The following DST variants were observed in gnomAD, a reference collection of about 807,000 sequenced individuals.
DST encodes dystonin.
Under a neutral mutation model 875.2 loss-of-function variants are expected in DST, and 253 were observed. The ratio of observed to expected loss-of-function variants is 0.29; its 90% CI spans 0.26 to 0.32. The LOEUF is 0.32. Ranked by LOEUF, DST falls within the 10% of genes least tolerant of loss-of-function variation. The pLI, the probability that DST is intolerant of heterozygous loss-of-function variation, is 1.00. For synonymous variants in DST, 3,124 were observed against 3,197.1 expected, an observed-to-expected ratio of 0.98 and a Z score of 0.77; for missense variants, 8,287 against 9,111.6, an observed-to-expected ratio of 0.91 and a Z score of 3.68.
intron 3 of DST, among the ~76,000 whole-genome samples, chr6:56,880,418 T>A (rs1030166050): frequency 6.6e-6 from 1 of 152,218 alleles, no homozygotes; most frequent in African/African-American, 2.4e-5. Context: ...CCAGGCGCAG[T>A]GGCCCATGCC....
chr6:56,573,577 T>TAA, intron 51 of DST, 102 bp downstream of exon 51: 1 of 854,074 alleles, frequency 1.2e-6, no homozygotes, highest in Non-Finnish European at 1.8e-6. Flanking sequence ...AAATGTCTCT[T>TAA]TTTTGTGTCC....
chr6:56,905,653 CTT>C (rs77792525), intron 2 of DST, among the ~76,000 whole-genome samples: 88 of 142,990 alleles, frequency 6.2e-4, no homozygotes, highest in African/African-American at 1.8e-3. Flanking sequence ...TTTTTCTCTA[CTT>C]TTTTTTTTTT....
intron 9 of DST, among the ~76,000 whole-genome samples, chr6:56,679,629 G>A (rs2099147455): frequency 6.6e-6 from 1 of 151,054 alleles, no homozygotes; most frequent in Non-Finnish European, 1.5e-5. Context: ...AAATTAGCTG[G>A]GTACAGTGCC....
At chr6:56,780,545 T>A (rs2099691062) in intron 4 of DST, among the ~76,000 whole-genome samples, 2 of 152,258 alleles carry the variant, frequency 1.3e-5, no homozygotes, top group South Asian at 4.2e-4. Flanking sequence ...TGTCTGTTCA[T>A]ATCCTTTGCC....
chr6:56,497,346 T>G (rs908383016), intron 82 of DST, 33 bp downstream of exon 82: 3 of 1,601,152 alleles, frequency 1.9e-6, no homozygotes, highest in Non-Finnish European at 2.6e-6. Context: ...TTTGTTATTC[T>G]GAGGCTAAAG....
chr6:56,819,800 A>G (rs2099770945), intron 4 of DST, among the ~76,000 whole-genome samples: 1 of 152,200 alleles, frequency 6.6e-6, no homozygotes, highest in East Asian at 1.9e-4. Context: ...TTTACTGGCC[A>G]TTGTTAGTTC....
intron 2 of DST, among the ~76,000 whole-genome samples, chr6:56,938,108 C>CTCTCTCTCTCTCTATATATATATATATA (rs1383243392): frequency 6.6e-5 from 8 of 120,748 alleles, no homozygotes; most frequent in African/African-American, 2.8e-4. Flanking sequence ...CTCTCTCTCT[C>CTCTCTCTCTCTCTATATATATATATATA]TATATATATA....
At chr6:56,580,748 G>A (rs548309609) in intron 49 of DST, among the ~76,000 whole-genome samples, 11 of 124,046 alleles carry the variant, frequency 8.9e-5, no homozygotes, top group Admixed American at 6.1e-4. Flanking sequence ...TTTTTTGGTT[G>A]GGGGGGCAGC....
intron 66 of DST, 71 bp from the exon 67 acceptor site, chr6:56,528,996 A>T (rs936044073): frequency 1.0e-6 from 1 of 954,130 alleles, no homozygotes; most frequent in Non-Finnish European, 1.6e-6. Flanking sequence ...AGTTAATCTC[A>T]GAGAACTTTA....
intron 4 of DST, among the ~76,000 whole-genome samples, chr6:56,795,970 T>C (rs1195906466): frequency 6.6e-6 from 1 of 152,136 alleles, no homozygotes; most frequent in Non-Finnish European, 1.5e-5. Context: ...AGACAGTTTG[T>C]CAAAACAAGG....
chr6:56,925,961 G>C lies in DST; in HGVS notation c.217-25340C>G, dbSNP rs190216381. 2.6e-5 allele frequency among the ~76,000 whole-genome samples: 4 copies of C among 152,242 alleles called. No homozygotes were observed. In the East Asian group the frequency reaches 7.7e-4, roughly 29 times the overall value. On this transcript the variant is annotated intron_variant, in intron 2 of 103. Coordinates refer to ENST00000680361, the MANE Select transcript of DST (RefSeq NM_001374736.1). The stretch of plus-strand genomic sequence containing the variant: ...ACTATAAAGCTACCAGAGGATTTTA[G>C]ACTTTCATAGTCTTGAAACTGTCTT...
intron 62 of DST, 115 bp from the exon 63 acceptor site, chr6:56,535,407 C>A: frequency 7.9e-7 from 1 of 1,262,158 alleles, no homozygotes; most frequent in South Asian, 1.7e-5. Context: ...TTTTCTTTTA[C>A]TTTTCACTTA....
At chr6:56,636,383 T>C (rs887518201) in intron 23 of DST, among the ~76,000 whole-genome samples, 174 bp downstream of exon 23, 5 of 151,192 alleles carry the variant, frequency 3.3e-5, no homozygotes, top group Non-Finnish European at 2.9e-5. Context: ...TACACACATA[T>C]ATGTGTATAC....
chr6:56,814,297 G>C (rs116820148), intron 4 of DST, among the ~76,000 whole-genome samples: 10 of 152,016 alleles, frequency 6.6e-5, no homozygotes, highest in Non-Finnish European at 8.8e-5. Context: ...CATTACACAA[G>C]GTATTTTTGT....
At chr6:56,540,612 C>T (rs2097109116) in intron 61 of DST, 1 of 152,602 alleles carries the variant, frequency 6.6e-6, no homozygotes, top group Non-Finnish European at 1.5e-5. Context: ...ATTTGGGATT[C>T]TCCAGGTCCG....
chr6:56,618,993 C>T, intron 36 of DST: 1 of 1,613,366 alleles, frequency 6.2e-7, no homozygotes, highest in African/African-American at 1.3e-5. Flanking sequence ...AGATTTCTAA[C>T]TTCTTTCTTG....
chr6:56,536,224 T>C (rs1479809674), intron 62 of DST, among the ~76,000 whole-genome samples: 1 of 152,216 alleles, frequency 6.6e-6, no homozygotes, highest in African/African-American at 2.4e-5. Flanking sequence ...CATGGGAATT[T>C]AGAAAAAGGT....
At position 56,489,154 on chromosome 6, in the gene DST, A is replaced by G. The variant is rs112873635; in HGVS notation, c.20877+336T>C. On this transcript the variant is annotated intron_variant, in intron 86 of 103. Coordinates refer to ENST00000680361, the MANE Select transcript of DST (RefSeq NM_001374736.1). Reference sequence around the variant, plus strand: ...TGCTATTTTGTCTGTCAAAGAAAGTACAGGAAAAGACAGCTATCATGAAAA... The same window carrying G: ...TGCTATTTTGTCTGTCAAAGAAAGTGCAGGAAAAGACAGCTATCATGAAAA... Among the ~76,000 whole-genome samples, 362 of 152,342 alleles carry G rather than the reference A, an allele frequency of 2.4e-3. 1 individual carries two copies. Among genetic ancestry groups the G allele is most frequent in the African/African-American group, 8.6e-3 (357 of 41,586 alleles).
Position 56,511,305 on chromosome 6 carries a change from A to G in DST, c.18672T>C (p.Phe6224=), listed in dbSNP as rs1229297762. The change falls in exon 73 of 104, where the codon TTT becomes TTC. Residue 6224 remains phenylalanine (F), a synonymous_variant. Transcript: ENST00000680361. ...QLLELSPGEG[F]SIQEKYVAAD... is the part of the protein sequence containing the mutation. ...CTGCCACATACTTCTCTTGGATAGA[A>G]AAGCCTTCCCCAGGGCTCAATTCCA... 1 of 1,606,238 alleles carries G rather than the reference A, an allele frequency of 6.2e-7. No homozygotes were observed. The highest frequency in any genetic ancestry group is 1.1e-5 in the South Asian group (1 of 89,328).
Sources: gnomAD v4.1 joint callset for allele counts (sites outside exome capture counted in the v4.1 genomes callset) on GRCh38, gnomAD v4.1.1 for gene constraint, MANE v1.5 for transcripts, NCBI Gene and HGNC (gene_info 2026-07-23, HGNC 2026-07-21) for gene names.